Variants in UBR3 observed in about 807,000 individuals in gnomAD.
UBR3 encodes the protein ubiquitin protein ligase E3 component n-recognin 3.
Under a neutral mutation model 243.2 loss-of-function variants are expected in UBR3, and 85 were observed. The observed-to-expected ratio is 0.35, with a 90% confidence interval of 0.29 to 0.42. UBR3 has a LOEUF of 0.42. Among genes scored for constraint, UBR3 ranks in the 10% least tolerant of loss-of-function variants. The pLI is 1.00. For missense variants in UBR3, 1,686 were observed against 2,300.8 expected (o/e 0.73, Z 5.47); for synonymous variants, 748 against 799.8 (o/e 0.94, Z 1.09).
chr2:170,049,731 G>A (rs1000860488), intron 32 of UBR3, among the ~76,000 whole-genome samples: 2 of 151,860 alleles, frequency 1.3e-5, no homozygotes, highest in Admixed American at 6.6e-5. Flanking sequence ...TAACTTCTCC[G>A]TGATTCTGTT....
intron 18 of UBR3, among the ~76,000 whole-genome samples, chr2:169,931,350 TAAAAAAAAAAAAAA>T (rs66951181): frequency 2.3e-5 from 2 of 87,564 alleles, no homozygotes; most frequent in East Asian, 3.5e-4. Context: ...GAATCTGTCT[TAAAAAAAAAAAAAA>T]AAAAAAAAAG....
At chr2:169,972,532 C>T (rs1212475093) in intron 24 of UBR3, among the ~76,000 whole-genome samples, 13 of 151,928 alleles carry the variant, frequency 8.6e-5, no homozygotes, top group Admixed American at 3.3e-4. Flanking sequence ...ACTGGCAAAA[C>T]GAATCCAGCA....
chr2:170,021,596 T>A (rs2090394279), intron 30 of UBR3, among the ~76,000 whole-genome samples: 1 of 152,142 alleles, frequency 6.6e-6, no homozygotes, highest in Non-Finnish European at 1.5e-5. Context: ...AACATATGAA[T>A]TTTGGTGGGA....
At position 169,856,823 on chromosome 2, in the gene UBR3, A is replaced by G. The variant is rs550834269; in HGVS notation, c.546-15413A>G. Among the ~76,000 whole-genome samples the G allele has an allele frequency of 7.7e-3, 1,148 of 148,272 alleles. 10 individuals are homozygous for G. The highest frequency in any genetic ancestry group is 0.045 in the Middle Eastern group (13 of 286). On this transcript the variant is annotated intron_variant, in intron 1 of 38. Transcript: ENST00000272793. ...GCTTGGCATCAGAGGGAGACCGTGC[A>G]AAGGGGAGAGGGAGGGGGAGGGGGA...
At chr2:169,859,706 T>G (rs2083020488) in intron 1 of UBR3, among the ~76,000 whole-genome samples, 1 of 151,336 alleles carries the variant, frequency 6.6e-6, no homozygotes, top group Admixed American at 6.6e-5. Flanking sequence ...TTTTATTTAT[T>G]TATTTATTTA....
At chr2:169,882,296 A>T in intron 5 of UBR3, among the ~76,000 whole-genome samples, 1 of 139,920 alleles carries the variant, frequency 7.1e-6, no homozygotes, top group Admixed American at 7.5e-5. Flanking sequence ...TATATTGTAT[A>T]TTTATGTATA....
At chr2:170,024,697 C>G (rs182242584) in intron 30 of UBR3, among the ~76,000 whole-genome samples, 1 of 152,038 alleles carries the variant, frequency 6.6e-6, no homozygotes. Context: ...TTGGTTCTAG[C>G]TAGGAGTACT....
At chr2:170,044,611 CTT>C (rs2091040324) in intron 32 of UBR3, among the ~76,000 whole-genome samples, 1 of 152,138 alleles carries the variant, frequency 6.6e-6, no homozygotes, top group African/African-American at 2.4e-5. Flanking sequence ...AGATTTATAA[CTT>C]AGGATCAGAT....
intron 8 of UBR3, among the ~76,000 whole-genome samples, chr2:169,897,444 T>C (rs1394096955): frequency 1.3e-5 from 2 of 151,936 alleles, no homozygotes; most frequent in Non-Finnish European, 2.9e-5. Flanking sequence ...TATATATGTA[T>C]ATGTGTGTAT....
At chr2:169,840,478 A>T (rs1293539622) in intron 1 of UBR3, among the ~76,000 whole-genome samples, 2 of 152,068 alleles carry the variant, frequency 1.3e-5, no homozygotes, top group Non-Finnish European at 1.5e-5. Flanking sequence ...TGTACCTCTC[A>T]CCGGTTGGAA....
intron 24 of UBR3, among the ~76,000 whole-genome samples, chr2:169,983,251 CCTTTT>C (rs1375156953): frequency 4.3e-5 from 5 of 115,474 alleles, no homozygotes; most frequent in Admixed American, 1.1e-4. Context: ...CATTCTCTCT[CCTTTT>C]TTTTTTTTTT....
chr2:169,924,015 T>G, intron 12 of UBR3, 21 bp downstream of exon 12: 1 of 1,530,794 alleles, frequency 6.5e-7, no homozygotes, highest in African/African-American at 1.4e-5. Context: ...CATTAAACAA[T>G]TCTGTTCTTT....
rs183727605 is a variant in UBR3 at position 169,861,327 on chromosome 2, C to A, written c.546-10909C>A. 7.2e-5 allele frequency among the ~76,000 whole-genome samples: 11 copies of A among 152,220 alleles called. No homozygotes were observed. In the East Asian group the frequency reaches 1.7e-3, roughly 24 times the overall value. Reference sequence around the variant, plus strand: ...TACTCGTCTTTTCAAAAACAAATGCCGGCTGGGTGTGGTGGCTCACGCCCG... The same window carrying A: ...TACTCGTCTTTTCAAAAACAAATGCAGGCTGGGTGTGGTGGCTCACGCCCG... On this transcript the variant is annotated intron_variant, in intron 1 of 38. Transcript: ENST00000272793.
intron 24 of UBR3, among the ~76,000 whole-genome samples, chr2:169,977,581 G>A (rs989248792): frequency 2.0e-5 from 3 of 152,128 alleles, no homozygotes; most frequent in Non-Finnish European, 2.9e-5. Flanking sequence ...GAGGAGAAAA[G>A]GTGTTCTGCT....
At chr2:170,015,466 A>G (rs13028230) in intron 30 of UBR3, 100 bp downstream of exon 30, 616,016 of 886,158 alleles carry the variant, frequency 0.7, 216,204 homozygotes, top group East Asian at 0.83. Context: ...TTTGTCTGTT[A>G]TATATGATCT....
Position 169,905,286 on chromosome 2 carries a change from C to T in UBR3, c.1638C>T (p.Phe546=). The T allele has an allele frequency of 6.6e-7, 1 of 1,514,156 alleles. No individual in the cohort carries two copies. The highest frequency in any genetic ancestry group is 1.4e-5 in the African/African-American group (1 of 71,760). 93.8% of individuals were successfully genotyped at this position (1,514,156 alleles called of 1,614,324 possible). The change falls in exon 9 of 39, where the codon TTC becomes TTT. Residue 546 remains phenylalanine (F), a synonymous_variant. Coordinates refer to ENST00000272793, the MANE Select transcript of UBR3 (RefSeq NM_172070.4). ...LLVTWMNFVS[F]FQGMNLNKRE... is the part of the protein sequence containing the mutation. ...TTACATGGATGAACTTTGTATCTTT[C>T]TTTCAAGGTATGAATTTTATCCCTT...
intron 1 of UBR3, among the ~76,000 whole-genome samples, chr2:169,868,166 A>G (rs773634440): frequency 6.6e-6 from 1 of 152,114 alleles, no homozygotes; most frequent in Non-Finnish European, 1.5e-5. Context: ...GAACATAACA[A>G]TGAAACCTCA....
At chr2:170,007,911 C>CTGTG (rs146320333) in intron 28 of UBR3, among the ~76,000 whole-genome samples, 7 of 150,160 alleles carry the variant, frequency 4.7e-5, no homozygotes, top group East Asian at 1.9e-4. Context: ...TATATATACT[C>CTGTG]TGTGTGTGTG....
intron 23 of UBR3, among the ~76,000 whole-genome samples, chr2:169,954,636 C>T (rs1409277815): frequency 2.7e-5 from 4 of 146,862 alleles, no homozygotes; most frequent in South Asian, 2.2e-4. Context: ...AGAGCAGTGG[C>T]GCGATCTCAG....
Sources: allele counts gnomAD v4.1 joint callset (sites outside exome capture counted in the v4.1 genomes callset), GRCh38; gene constraint gnomAD v4.1.1; transcripts MANE v1.5; gene names NCBI Gene and HGNC (gene_info 2026-07-23, HGNC 2026-07-21).